The following OPRM1 variants were observed in gnomAD, a reference collection of about 807,000 sequenced individuals.
OPRM1 encodes mu-type opioid receptor.
In OPRM1, 27 loss-of-function variants were observed where a neutral mutation model predicts 31.8. That is an observed-to-expected ratio of 0.85 (90% CI 0.63 to 1.17). The LOEUF (loss-of-function observed/expected upper bound fraction) is 1.17, where lower values mean the gene tolerates loss of function less well. OPRM1 is among the 50% of genes most tolerant of loss of function. The pLI, the probability that OPRM1 is intolerant of heterozygous loss-of-function variation, is 0.00. For missense variants in OPRM1, 536 were observed against 511.1 expected, an observed-to-expected ratio of 1.05 and a Z score of -0.47; for synonymous variants, 196 against 189.9, an observed-to-expected ratio of 1.03 and a Z score of -0.26.
At chr6:154,016,769 C>T (rs1778026103) in intron 1 of OPRM1, among the ~76,000 whole-genome samples, 1 of 152,158 alleles carries the variant, frequency 6.6e-6, no homozygotes, top group African/African-American at 2.4e-5. Flanking sequence ...TGTGTGAAAA[C>T]ACATACGTGT....
intron 3 of OPRM1, among the ~76,000 whole-genome samples, chr6:154,149,745 G>C (rs1177839049): frequency 6.6e-6 from 1 of 151,958 alleles, no homozygotes; most frequent in Non-Finnish European, 1.5e-5. Context: ...CCATATGGTT[G>C]GTCCCATATG....
intron 3 of OPRM1, among the ~76,000 whole-genome samples, chr6:154,148,572 T>G (rs145553485): frequency 6.6e-6 from 1 of 152,196 alleles, no homozygotes; most frequent in African/African-American, 2.4e-5. Flanking sequence ...TGTGTGCTTC[T>G]TCTGAAAGGG....
intron 3 of OPRM1, among the ~76,000 whole-genome samples, chr6:154,244,305 T>G (rs1041642793): frequency 3.4e-5 from 5 of 146,012 alleles, no homozygotes; most frequent in African/African-American, 7.8e-5. Context: ...TGGGTGGGTG[T>G]GTGTGTGTGT....
intron 1 of OPRM1, among the ~76,000 whole-genome samples, chr6:154,016,044 TTAA>T (rs1339080586): frequency 6.6e-6 from 1 of 151,898 alleles, no homozygotes; most frequent in Non-Finnish European, 1.5e-5. Flanking sequence ...GGAAAGAAAG[TTAA>T]TAATATCTAG....
intron 3 of OPRM1, among the ~76,000 whole-genome samples, chr6:154,212,078 C>T (rs546771780): frequency 1.1e-4 from 17 of 152,220 alleles, no homozygotes; most frequent in Non-Finnish European, 2.1e-4. Flanking sequence ...AAAGCACCTA[C>T]ATACATCCTA....
Position 154,121,078 on chromosome 6 carries a change from G to A in OPRM1, c.*2357G>A, listed in dbSNP as rs944061640. Among the ~76,000 whole-genome samples the A allele has an allele frequency of 6.6e-6, 1 of 152,088 alleles. No individual in the cohort carries two copies. The highest frequency in any genetic ancestry group is 2.4e-5 in the African/African-American group (1 of 41,418). ...ATTACAACCCTGACTCAACTGGATGGGCTAAGGTTTCTGATAAAATCTGAA... is the reference window on the plus strand; with the variant it reads ...ATTACAACCCTGACTCAACTGGATGAGCTAAGGTTTCTGATAAAATCTGAA... On this transcript the variant is annotated 3_prime_UTR_variant, in exon 4 of 4. Transcript: ENST00000330432.
At chr6:154,093,419 G>T in intron 3 of OPRM1, 2 of 1,614,042 alleles carry the variant, frequency 1.2e-6, no homozygotes, top group South Asian at 2.2e-5. Flanking sequence ...CTCCCAGCCC[G>T]TCTGGTGGAG....
rs367922415 is a variant in OPRM1, at chr6:154,214,070, G to C, written c.1165-32623G>C. 10 of 647,286 alleles carry C rather than the reference G, an allele frequency of 1.5e-5. No individual in the cohort carries two copies. In the African/African-American group the frequency reaches 1.8e-4, roughly 12 times the overall value. The allele number at this position is 647,286 out of a possible 1,614,324, so 40.1% of individuals were successfully genotyped here. ...TTGGTGAGTCTGTGTGAATATGTCT[G>C]TCTCCACATATTTTCAGATCATCTT... On this transcript the variant is annotated intron_variant, in intron 3 of 3. Transcript: ENST00000337049.
At chr6:154,032,861 T>A (rs1294035470) in intron 1 of OPRM1, among the ~76,000 whole-genome samples, 1 of 152,198 alleles carries the variant, frequency 6.6e-6, no homozygotes, top group African/African-American at 2.4e-5. Context: ...GATAGGAAGG[T>A]GAAAATGCTT....
intron 3 of OPRM1, among the ~76,000 whole-genome samples, chr6:154,173,321 T>A (rs1800027994): frequency 6.6e-6 from 1 of 152,130 alleles, no homozygotes. Context: ...AGAATGAATT[T>A]GATGAGTTGA....
chr6:154,212,792 T>G (rs1451948815), intron 3 of OPRM1: 12 of 1,612,798 alleles, frequency 7.4e-6, no homozygotes, highest in Non-Finnish European at 3.4e-6. Context: ...CTGGGAAGCG[T>G]GAGGAGGGGG....
intron 3 of OPRM1, among the ~76,000 whole-genome samples, chr6:154,236,509 C>G (rs1780146514): frequency 6.6e-6 from 1 of 152,156 alleles, no homozygotes; most frequent in African/African-American, 2.4e-5. Context: ...TTAAGCAATG[C>G]CACTCAACTG....
At chr6:154,010,784 T>G in exon 1 of OPRM1, 4 of 1,411,350 alleles carry the variant, frequency 2.8e-6, no homozygotes, top group Middle Eastern at 1.9e-4. Context: ...GTCAAGTGGA[T>G]GTGGCAGAAC....
intron 3 of OPRM1, among the ~76,000 whole-genome samples, chr6:154,149,549 T>A (rs1430285571): frequency 6.6e-6 from 1 of 152,108 alleles, no homozygotes; most frequent in East Asian, 1.9e-4. Context: ...GGATTGTGAC[T>A]TTCTTTTGAA....
chr6:154,039,295 G>C lies in OPRM1; in HGVS notation c.-250G>C. On this transcript the variant is annotated 5_prime_UTR_variant, in exon 1 of 4. Coordinates refer to ENST00000330432, the MANE Select transcript of OPRM1 (RefSeq NM_000914.5). ...TGGCCCACGCTCCCCTCCTGCAGCGGTGCGGGGCAGGTGATGAGCCTCTGT... is the reference window on the plus strand; with the variant it reads ...TGGCCCACGCTCCCCTCCTGCAGCGCTGCGGGGCAGGTGATGAGCCTCTGT... 1 of 1,551,228 alleles carries C rather than the reference G, an allele frequency of 6.4e-7. No homozygotes were observed. The highest frequency in any genetic ancestry group is 8.7e-7 in the Non-Finnish European group (1 of 1,146,764).
intron 1 of OPRM1, among the ~76,000 whole-genome samples, chr6:154,014,585 A>ATT (rs1777904325): frequency 6.6e-6 from 1 of 151,694 alleles, no homozygotes. Context: ...ATTTAGATAA[A>ATT]AAAAAAAGCC....
In OPRM1 at chr6:154,119,192, A is replaced by G. The variant is rs564347020; in HGVS notation, c.*471A>G. The stretch of plus-strand genomic sequence containing the variant: ...TGTTTTGCAAGGGAATGAATCCATT[A>G]TTCTATTTTAGACTTTTAACTTCAC... On this transcript the variant is annotated 3_prime_UTR_variant, in exon 4 of 4. Coordinates refer to ENST00000330432, the MANE Select transcript of OPRM1 (RefSeq NM_000914.5). 2 of 986,670 alleles carry G rather than the reference A, an allele frequency of 2.0e-6. No homozygotes were observed. Among genetic ancestry groups the G allele is most frequent in the African/African-American group, 3.5e-5 (2 of 57,398 alleles). The allele number at this position is 986,670 out of a possible 1,614,324, so 61.1% of individuals were successfully genotyped here.
At chr6:154,090,353 A>C (rs1179661081) in intron 2 of OPRM1, among the ~76,000 whole-genome samples, 175 bp downstream of exon 2, 1 of 152,194 alleles carries the variant, frequency 6.6e-6, no homozygotes, top group Non-Finnish European at 1.5e-5. Flanking sequence ...TTTCCTCATA[A>C]TTTTAGGCCT....
intron 3 of OPRM1, among the ~76,000 whole-genome samples, chr6:154,152,316 AAAG>A (rs1562510390): frequency 1.2e-4 from 8 of 65,142 alleles, no homozygotes; most frequent in African/African-American, 4.6e-4. Flanking sequence ...AGAAAGAAAG[AAAG>A]AAAGAAAGAA....
Sources: allele counts gnomAD v4.1 joint callset (sites outside exome capture counted in the v4.1 genomes callset), GRCh38; gene constraint gnomAD v4.1.1; transcripts MANE v1.5; gene names NCBI Gene and HGNC (gene_info 2026-07-23, HGNC 2026-07-21).